The following ANLN variants were observed in gnomAD, a reference collection of about 807,000 sequenced individuals.
ANLN encodes the protein anillin.
Under a neutral mutation model 135.1 loss-of-function variants are expected in ANLN, and 59 were observed. That is an observed-to-expected ratio of 0.44 (90% CI 0.35 to 0.54). ANLN has a LOEUF of 0.54. Ranked by LOEUF, ANLN falls within the 20% of genes least tolerant of loss-of-function variation. The pLI is 0.00. For missense variants in ANLN, 1,182 were observed against 1,340.0 expected, an observed-to-expected ratio of 0.88 and a Z score of 1.84; for synonymous variants, 406 against 456.4, an observed-to-expected ratio of 0.89 and a Z score of 1.41.
In ANLN at chr7:36,403,130, A is replaced by G. The variant is rs187000073; in HGVS notation, c.488-3051A>G. On this transcript the variant is annotated intron_variant, in intron 3 of 23. Coordinates refer to ENST00000265748, the MANE Select transcript of ANLN (RefSeq NM_018685.5). ...GAAACTCTTTCTCAAAAAATATAAT[A>G]TAATATAATATAATCTAGGTGCAAA... is the stretch of plus-strand genomic sequence containing the variant. Among the ~76,000 whole-genome samples, 16 of 152,198 alleles carry G rather than the reference A, an allele frequency of 1.1e-4. No individual in the cohort carries two copies. In the East Asian group the frequency reaches 2.5e-3, roughly 24 times the overall value.
chr7:36,414,604 A>T (rs1363859005), intron 7 of ANLN, among the ~76,000 whole-genome samples: 2 of 152,218 alleles, frequency 1.3e-5, no homozygotes, highest in Middle Eastern at 3.2e-3. Flanking sequence ...TGACTCAGAC[A>T]TAGGAAGAAT....
At chr7:36,440,144 T>A (rs1178534667) in intron 21 of ANLN, among the ~76,000 whole-genome samples, 1 of 152,178 alleles carries the variant, frequency 6.6e-6, no homozygotes, top group East Asian at 1.9e-4. Context: ...AGACAGACAT[T>A]TAGTAGAGGT....
At chr7:36,422,034 C>T in intron 13 of ANLN, 42 bp downstream of exon 13, 1 of 1,587,086 alleles carries the variant, frequency 6.3e-7, no homozygotes, top group Non-Finnish European at 8.6e-7. Flanking sequence ...AAATTTCTAA[C>T]CAGGGAAAAC....
At chr7:36,428,070 C>A (rs938400440) in intron 20 of ANLN, among the ~76,000 whole-genome samples, 1 of 152,094 alleles carries the variant, frequency 6.6e-6, no homozygotes, top group Non-Finnish European at 1.5e-5. Context: ...TCTTGTTTTC[C>A]AGTACAGAAA....
At chr7:36,399,008 G>A in intron 2 of ANLN, 71 bp from the exon 3 acceptor site, 2 of 1,248,076 alleles carry the variant, frequency 1.6e-6, no homozygotes, top group African/African-American at 1.5e-5. Context: ...AATTTGTTGA[G>A]TATCTACCCT....
rs1788004972 is a variant in ANLN, at chr7:36,424,611, T to C, written c.2652+18T>C. The stretch of plus-strand genomic sequence containing the variant: ...ACAGCTTGGTAAGCTGATAAAGCCT[T>C]CTAAAATAATGAAGAGTATATTTTT... On this transcript the variant is annotated intron_variant, in intron 16 of 23. Coordinates refer to ENST00000265748, the MANE Select transcript of ANLN (RefSeq NM_018685.5). The C allele has an allele frequency of 1.2e-6, 2 of 1,600,112 alleles. No homozygotes were observed. Among genetic ancestry groups the C allele is most frequent in the African/African-American group, 2.7e-5 (2 of 74,406 alleles).
chr7:36,391,353 G>T, intron 1 of ANLN, among the ~76,000 whole-genome samples: 1 of 152,130 alleles, frequency 6.6e-6, no homozygotes, highest in African/African-American at 2.4e-5. Flanking sequence ...TAACAGACAG[G>T]AACAAAGCAT....
In ANLN at chr7:36,420,708, C is replaced by G; in HGVS notation, c.2127C>G (p.Ala709=). The change falls in exon 12 of 24, where the codon GCC becomes GCG. Residue 709 remains alanine (A), a synonymous_variant. Transcript: ENST00000265748. ...CAAAACTGGATGAAAAAAATAATGC[C>G]TTTCCTTGTCAAGTTAATATCAAAC... The part of the protein sequence containing the change: ...VTSKLDEKNN[A]FPCQVNIKQK... The G allele has an allele frequency of 6.2e-7, 1 of 1,613,988 alleles. No individual in the cohort carries two copies. The highest frequency in any genetic ancestry group is 1.7e-4 in the Middle Eastern group (1 of 6,060).
intron 22 of ANLN, among the ~76,000 whole-genome samples, chr7:36,445,905 A>T (rs1302556946): frequency 1.3e-5 from 2 of 152,216 alleles, no homozygotes; most frequent in Non-Finnish European, 2.9e-5. Flanking sequence ...TTAAACTTCC[A>T]TCAGTATGAT....
chr7:36,407,700 A>G, intron 4 of ANLN, 34 bp from the exon 5 acceptor site: 1 of 1,473,836 alleles, frequency 6.8e-7, no homozygotes, highest in Non-Finnish European at 9.5e-7. Context: ...AGATATTGTG[A>G]ATGTTGTTTA....
intron 20 of ANLN, among the ~76,000 whole-genome samples, chr7:36,431,558 T>G (rs1788310627): frequency 1.3e-5 from 1 of 75,056 alleles, no homozygotes. Flanking sequence ...TATATGTGTG[T>G]GTTTGTGTGT....
chr7:36,445,349 T>C (rs1407942812), intron 22 of ANLN, among the ~76,000 whole-genome samples: 3 of 152,106 alleles, frequency 2.0e-5, no homozygotes, highest in Non-Finnish European at 4.4e-5. Context: ...TTTCAGATTT[T>C]GGATGTTTAA....
At chr7:36,417,697 T>G (rs1193601079) in intron 9 of ANLN, among the ~76,000 whole-genome samples, 2 of 143,766 alleles carry the variant, frequency 1.4e-5, no homozygotes, top group African/African-American at 5.3e-5. Flanking sequence ...TTTTTTTTTT[T>G]GAGACAGTCT....
At chr7:36,433,317 T>C (rs1007288736) in intron 20 of ANLN, among the ~76,000 whole-genome samples, 5 of 152,224 alleles carry the variant, frequency 3.3e-5, no homozygotes, top group Admixed American at 3.3e-4. Flanking sequence ...GAAATATTTT[T>C]ATATTGCCTT....
chr7:36,431,672 G>T lies in ANLN; in HGVS notation c.2883+4644G>T, dbSNP rs76641936. On this transcript the variant is annotated intron_variant, in intron 20 of 23. Coordinates refer to ENST00000265748, the MANE Select transcript of ANLN (RefSeq NM_018685.5). ...TTGATTTCAGGGACAAATCATTGAT[G>T]GAACCAATCCAGGCCTTGTATAACC... Among the ~76,000 whole-genome samples, 77 of 143,550 alleles carry T rather than the reference G, an allele frequency of 5.4e-4. No individual in the cohort carries two copies. In the East Asian group the frequency reaches 0.013, roughly 23 times the overall value. The allele number at this position is 143,550 out of a possible 152,430, so 94.2% of individuals were successfully genotyped here.
intron 22 of ANLN, among the ~76,000 whole-genome samples, chr7:36,448,415 T>G (rs1277703183): frequency 1.3e-5 from 2 of 152,260 alleles, no homozygotes; most frequent in Non-Finnish European, 2.9e-5. Context: ...AGGTTTCATT[T>G]ATCTCCCCAC....
Position 36,399,367 on chromosome 7 carries a change from G to C in ANLN, c.461G>C (p.Arg154Pro). 1 of 1,612,306 alleles carries C rather than the reference G, an allele frequency of 6.2e-7. No individual in the cohort carries two copies. The highest frequency in any genetic ancestry group is 2.2e-5 in the East Asian group (1 of 44,868). Residue 154 changes from arginine to proline, a missense_variant, in exon 3 of 24, where the codon CGC (arginine) becomes CCC (proline). By Grantham distance (103) the Arg-to-Pro change is moderately radical. Around this residue, in one of 3 missense-constraint regions of ANLN, gnomAD observed 1,022 missense variants for 1,134.0 expected, o/e 0.90. Coordinates refer to ENST00000265748, the MANE Select transcript of ANLN (RefSeq NM_018685.5). ...ATGCAAAAACTTGCAGAGCAACGGC[G>C]CCGTTGGGATAATGATGATATGACA... ...TRMQKLAEQR[R>P]RWDNDDMTDD...
intron 3 of ANLN, among the ~76,000 whole-genome samples, chr7:36,399,678 G>A (rs907104357): frequency 6.6e-6 from 1 of 152,134 alleles, no homozygotes; most frequent in African/African-American, 2.4e-5. Flanking sequence ...CAAACTATAC[G>A]TGTTGTTAGC....
In ANLN at chr7:36,424,609, C is replaced by T; in HGVS notation, c.2652+16C>T. Reference sequence around the variant, plus strand: ...TTACAGCTTGGTAAGCTGATAAAGCCTTCTAAAATAATGAAGAGTATATTT... The same window carrying T: ...TTACAGCTTGGTAAGCTGATAAAGCTTTCTAAAATAATGAAGAGTATATTT... On this transcript the variant is annotated intron_variant, in intron 16 of 23. Coordinates refer to ENST00000265748, the MANE Select transcript of ANLN (RefSeq NM_018685.5). The T allele has an allele frequency of 3.8e-6, 6 of 1,598,476 alleles. No individual in the cohort carries two copies. The highest frequency in any genetic ancestry group is 5.1e-6 in the Non-Finnish European group (6 of 1,172,178).
Sources: gnomAD v4.1 joint callset for allele counts (sites outside exome capture counted in the v4.1 genomes callset) on GRCh38, gnomAD v4.1.1 for gene constraint, gnomAD v4.1.1 regional missense constraint, MANE v1.5 for transcripts, NCBI Gene and HGNC (gene_info 2026-07-23, HGNC 2026-07-21) for gene names.